VIT: variants seen among roughly 807,000 people sequenced by gnomAD.
VIT encodes the protein vitrin.
In VIT, 99 loss-of-function variants were observed where a neutral mutation model predicts 78.0. The observed-to-expected ratio is 1.27, with a 90% CI of 1.08 to 1.50. VIT has a LOEUF of 1.50. Ranked by LOEUF, VIT falls within the 40% of genes most tolerant of loss-of-function variation. VIT has a pLI of 0.00. For synonymous variants in VIT, 374 were observed against 334.3 expected, an observed-to-expected ratio of 1.12 and a Z score of -1.29; for missense variants, 1,126 against 875.3, an observed-to-expected ratio of 1.29 and a Z score of -3.61.
intron 4 of VIT, among the ~76,000 whole-genome samples, chr2:36,746,141 T>G (rs989592194): frequency 2.0e-5 from 3 of 152,226 alleles, no homozygotes; most frequent in South Asian, 2.1e-4. Context: ...CAACCTTGCA[T>G]CCCAGGAATA....
At chr2:36,760,217 T>C (rs6544035) in intron 6 of VIT, among the ~76,000 whole-genome samples, 137,872 of 152,110 alleles carry the variant, frequency 0.91, 63,994 homozygotes, top group East Asian at 1. Context: ...ATGGTCTCGA[T>C]CTCTTGACCT....
At chr2:36,708,127 T>G (rs1325280049) in intron 1 of VIT, among the ~76,000 whole-genome samples, 1 of 103,374 alleles carries the variant, frequency 9.7e-6, no homozygotes, top group South Asian at 3.6e-4. Context: ...CCCGCCCACC[T>G]AGTGCCAGCT....
chr2:36,801,511 C>G, intron 13 of VIT, 107 bp downstream of exon 13: 6 of 1,050,988 alleles, frequency 5.7e-6, no homozygotes, highest in South Asian at 1.5e-5. Flanking sequence ...AATAATCCGT[C>G]AAGAAATAAC....
intron 12 of VIT, among the ~76,000 whole-genome samples, chr2:36,793,160 T>C (rs1037354717): frequency 1.3e-5 from 2 of 152,184 alleles, no homozygotes; most frequent in Non-Finnish European, 2.9e-5. Flanking sequence ...GATTAGCAGC[T>C]GGTGAGCCAG....
intron 6 of VIT, chr2:36,759,453 C>T: frequency 8.2e-7 from 1 of 1,222,182 alleles, no homozygotes; most frequent in Non-Finnish European, 1.0e-6. Flanking sequence ...TATGTGATAA[C>T]AGCAAGCTGC....
chr2:36,703,157 C>A (rs1313191339), intron 1 of VIT, among the ~76,000 whole-genome samples: 1 of 152,226 alleles, frequency 6.6e-6, no homozygotes, highest in Admixed American at 6.5e-5. Flanking sequence ...CATCCAAGCT[C>A]TCTTTTCAAA....
At chr2:36,734,867 A>C (rs1667417459) in intron 3 of VIT, among the ~76,000 whole-genome samples, 1 of 152,176 alleles carries the variant, frequency 6.6e-6, no homozygotes, top group Non-Finnish European at 1.5e-5. Context: ...GTAATACTTA[A>C]GAGCATGTTG....
At chr2:36,804,287 G>A (rs1298274753) in intron 13 of VIT, among the ~76,000 whole-genome samples, 1 of 152,242 alleles carries the variant, frequency 6.6e-6, no homozygotes, top group Non-Finnish European at 1.5e-5. Context: ...TCAGTTCCCA[G>A]TGGGTGCAAC....
chr2:36,702,631 C>G (rs910836338), intron 1 of VIT, among the ~76,000 whole-genome samples: 1 of 152,106 alleles, frequency 6.6e-6, no homozygotes, highest in African/African-American at 2.4e-5. Context: ...TGGCCACCAA[C>G]GGTAGTCTCT....
At chr2:36,743,074 A>AT (rs1387870567) in intron 3 of VIT, 26 bp from the exon 4 acceptor site, 2 of 1,613,386 alleles carry the variant, frequency 1.2e-6, no homozygotes, top group Non-Finnish European at 1.7e-6. Flanking sequence ...ACAAGGTGTA[A>AT]TTTTGACCTC....
chr2:36,810,792 C>T (rs529973912), intron 15 of VIT, among the ~76,000 whole-genome samples: 1 of 152,216 alleles, frequency 6.6e-6, no homozygotes, highest in East Asian at 1.9e-4. Flanking sequence ...CACCACCACG[C>T]CCAGCTAATT....
In VIT at chr2:36,781,768, G is replaced by T. The variant is rs1249840571; in HGVS notation, c.844G>T (p.Glu282Ter). ...SWKPGSVLLD[E>*]GLVPKEELST... ...GAAACCTGGATCGGTCCTTTTAGAT[G>T]AAGGTAATTATACAGCCCAACCTCT... Residue 282 changes from glutamate to a stop codon, truncating the protein, a stop_gained, in exon 10 of 16, where the codon GAA (glutamate) becomes TAA (stop). Coordinates refer to ENST00000379242, the MANE Select transcript of VIT (RefSeq NM_053276.4). LOFTEE classifies it high-confidence loss of function. 2 of 1,614,036 alleles carry T rather than the reference G, an allele frequency of 1.2e-6. No individual in the cohort carries two copies. The highest frequency in any genetic ancestry group is 2.2e-5 in the South Asian group (2 of 91,088).
chr2:36,746,474 A>G (rs991534791), intron 4 of VIT, among the ~76,000 whole-genome samples: 5 of 151,932 alleles, frequency 3.3e-5, no homozygotes, highest in African/African-American at 1.2e-4. Context: ...TATTAATTCA[A>G]TTTCCAAACT....
At chr2:36,781,944 C>T (rs760533437) in intron 10 of VIT, among the ~76,000 whole-genome samples, 173 bp downstream of exon 10, 3 of 151,984 alleles carry the variant, frequency 2.0e-5, no homozygotes, top group African/African-American at 7.2e-5. Flanking sequence ...AAACTCCCTC[C>T]CTAGGGAGGC....
chr2:36,796,474 G>A (rs992831097), intron 12 of VIT, among the ~76,000 whole-genome samples: 1 of 152,198 alleles, frequency 6.6e-6, no homozygotes, highest in Non-Finnish European at 1.5e-5. Flanking sequence ...ACAAGACTCA[G>A]CTGTGTATGT....
At chr2:36,773,726 A>C (rs1222628713) in intron 7 of VIT, 65 bp from the exon 8 acceptor site, 1 of 1,257,166 alleles carries the variant, frequency 8.0e-7, no homozygotes, top group Non-Finnish European at 1.1e-6. Context: ...TCCGACTCAA[A>C]AATAAATAAA....
chr2:36,786,818 C>G (rs1268138951), intron 11 of VIT, among the ~76,000 whole-genome samples: 1 of 152,228 alleles, frequency 6.6e-6, no homozygotes, highest in East Asian at 1.9e-4. Context: ...CTTACAAGAT[C>G]TTAGCCTAGG....
At chr2:36,786,119 A>C (rs770511902) in intron 11 of VIT, among the ~76,000 whole-genome samples, 11 of 150,452 alleles carry the variant, frequency 7.3e-5, no homozygotes, top group Non-Finnish European at 1.5e-4. Flanking sequence ...GCAGTGCCCC[A>C]GTGTCCTCTC....
chr2:36,706,689 T>C (rs1163893712), intron 1 of VIT, among the ~76,000 whole-genome samples: 1 of 152,228 alleles, frequency 6.6e-6, no homozygotes. Flanking sequence ...GATCACAAGC[T>C]TTTGACCAGC....
Sources: gnomAD v4.1 joint callset for allele counts (sites outside exome capture counted in the v4.1 genomes callset) on GRCh38, gnomAD v4.1.1 for gene constraint, MANE v1.5 for transcripts, NCBI Gene and HGNC (gene_info 2026-07-23, HGNC 2026-07-21) for gene names.